HPS3: variants seen among roughly 807,000 people sequenced by gnomAD.
HPS3 encodes the protein HPS3 biogenesis of lysosomal organelles complex 2 subunit 1.
Under a neutral mutation model 110.9 loss-of-function variants are expected in HPS3, and 79 were observed. That is an observed-to-expected ratio of 0.71 (90% confidence interval 0.59 to 0.86). The LOEUF (loss-of-function observed/expected upper bound fraction) is 0.86. HPS3 is among the 40% of genes least tolerant of loss of function. The pLI, the probability that HPS3 is intolerant of heterozygous loss-of-function variation, is 0.00. For synonymous variants in HPS3, 428 were observed against 451.0 expected, an observed-to-expected ratio of 0.95 and a Z score of 0.65; for missense variants, 1,197 against 1,206.2, an observed-to-expected ratio of 0.99 and a Z score of 0.11.
chr3:149,151,143 G>C (rs1723079123), intron 6 of HPS3, among the ~76,000 whole-genome samples: 1 of 151,834 alleles, frequency 6.6e-6, no homozygotes, highest in Non-Finnish European at 1.5e-5. Flanking sequence ...AAGTAGCTGG[G>C]ACTACAGGTG....
rs780981065 is a variant in HPS3 at position 149,155,231 on chromosome 3, T to G, written c.1509+16T>G. 1 of 1,250,714 alleles carries G rather than the reference T, an allele frequency of 8.0e-7. No individual in the cohort carries two copies. The highest frequency in any genetic ancestry group is 1.2e-5 in the South Asian group (1 of 83,514). The allele number at this position is 1,250,714 out of a possible 1,614,324, so 77.5% of individuals were successfully genotyped here. ...CAAAGAGATGGTACTCTTTTCAAAC[T>G]TCTGATTCTTGTTTGTAGATATTTA... is the stretch of plus-strand genomic sequence containing the variant. On this transcript the variant is annotated intron_variant, in intron 8 of 16. Transcript: ENST00000296051.
chr3:149,170,790 T>C (rs1021322872), intron 16 of HPS3, among the ~76,000 whole-genome samples: 4 of 152,120 alleles, frequency 2.6e-5, no homozygotes, highest in Non-Finnish European at 4.4e-5. Context: ...GAGTAAGCGA[T>C]GGGCATGCAA....
Position 149,151,587 on chromosome 3 carries a change from T to TAAAAAAAAA in HPS3, c.1245+928_1245+936dup, listed in dbSNP as rs1167453087. On this transcript the variant is annotated intron_variant, in intron 6 of 16. Transcript: ENST00000296051. Reference sequence around the variant, plus strand: ...AGTGAGAAGTAAAGTGCTTGGTTTCTAAAAAAAAAAAAAAAAAAAAAAAAA... The same window carrying TAAAAAAAAA: ...AGTGAGAAGTAAAGTGCTTGGTTTCTAAAAAAAAAAAAAAAAAAAAAAAAAAAAAAAAAA... Among the ~76,000 whole-genome samples, 360 of 40,330 alleles carry TAAAAAAAAA rather than the reference T, an allele frequency of 8.9e-3. 26 individuals are homozygous for TAAAAAAAAA. The highest frequency in any genetic ancestry group is 0.014 in the Non-Finnish European group (266 of 19,700). The allele number at this position is 40,330 out of a possible 152,430, so 26.5% of individuals were successfully genotyped here.
intron 1 of HPS3, among the ~76,000 whole-genome samples, 173 bp from the exon 2 acceptor site, chr3:149,139,827 CCTCA>C (rs1193506717): frequency 6.6e-6 from 1 of 152,138 alleles, no homozygotes; most frequent in African/African-American, 2.4e-5. Flanking sequence ...CATTTCAGAA[CCTCA>C]AAGCCTAATG....
intron 16 of HPS3, among the ~76,000 whole-genome samples, chr3:149,169,059 A>G (rs1480120804): frequency 7.0e-6 from 1 of 142,720 alleles, no homozygotes; most frequent in South Asian, 2.1e-4. Flanking sequence ...GTGTGTGTGT[A>G]TGGCTAATGA....
At position 149,140,348 on chromosome 3, in the gene HPS3, C is replaced by T. The variant is rs1364851683; in HGVS notation, c.562C>T (p.Pro188Ser). ...SLIIHIDNITPVEVSFCVGYV... is the reference protein window; with the variant it reads ...SLIIHIDNITSVEVSFCVGYV... ...AATTATACACATAGATAATATCACT[C>T]CTGTTGAGGTTTCTTTTTGTGTTGG... The change falls in exon 2 of 17, where the codon CCT (proline) becomes TCT (serine). Residue 188 changes from proline (P) to serine (S), a missense_variant. Coordinates refer to ENST00000296051, the MANE Select transcript of HPS3 (RefSeq NM_032383.5). 1 of 1,611,080 alleles carries T rather than the reference C, an allele frequency of 6.2e-7. No homozygotes were observed. Among genetic ancestry groups the T allele is most frequent in the South Asian group, 1.1e-5 (1 of 90,684 alleles).
At position 149,167,145 on chromosome 3, in the gene HPS3, T is replaced by C; in HGVS notation, c.2701T>C (p.Leu901=). ...LSVHVLCRTR[L]KEYEQCIDIL... Reference sequence around the variant, plus strand: ...TGTCCATGTTCTGTGTCGTACACGCTTGAAAGAGTATGAACAGTGCATAGA... The same window carrying C: ...TGTCCATGTTCTGTGTCGTACACGCCTGAAAGAGTATGAACAGTGCATAGA... The change falls in exon 15 of 17, where the codon TTG becomes CTG. Residue 901 remains leucine (L), a synonymous_variant. Transcript: ENST00000296051. 1.2e-6 allele frequency: 2 copies of C among 1,613,928 alleles called. No homozygotes were observed. The highest frequency in any genetic ancestry group is 1.1e-5 in the South Asian group (1 of 91,076).
In HPS3 at chr3:149,163,950, G is replaced by T. The variant is rs281865095; in HGVS notation, c.2589+1G>T. 2.4e-5 allele frequency: 34 copies of T among 1,409,338 alleles called. No homozygotes were observed. Among genetic ancestry groups the T allele is most frequent in the Non-Finnish European group, 3.2e-5 (32 of 993,986 alleles). The allele number at this position is 1,409,338 out of a possible 1,614,324, so 87.3% of individuals were successfully genotyped here. A position where few individuals can be genotyped will look rare whatever the true frequency, so the allele number is the denominator to read the frequency against. On this transcript the variant is annotated splice_donor_variant, in intron 14 of 16. Transcript: ENST00000296051. LOFTEE classifies it high-confidence loss of function. ...TACAGAAGATCTTTCAAAATTACAG[G>T]TAAGTAAAAATACCTCCTTTTCTTA...
chr3:149,162,957 T>C (rs1030850335), intron 13 of HPS3, 79 bp downstream of exon 13: 20 of 1,196,124 alleles, frequency 1.7e-5, no homozygotes, highest in Admixed American at 8.8e-5. Context: ...TAATAACTTA[T>C]TATAAAATCT....
intron 14 of HPS3, among the ~76,000 whole-genome samples, chr3:149,165,577 A>T (rs1724335941): frequency 6.6e-6 from 1 of 152,110 alleles, no homozygotes; most frequent in Non-Finnish European, 1.5e-5. Context: ...CCTGGGCTCA[A>T]GCAAGCCTCC....
chr3:149,129,738 C>T lies in HPS3; in HGVS notation c.15C>T (p.Tyr5=), dbSNP rs753185316. ...CGGACGTCGGGATGGTGCAGCTGTA[C>T]AACCTGCACCCGTTCGGGTCGCAGC... MVQL[Y]NLHPFGSQQV... Residue 5 remains tyrosine, a synonymous_variant, in exon 1 of 17, where the codon TAC becomes TAT. Transcript: ENST00000296051. The T allele has an allele frequency of 6.2e-7, 1 of 1,602,714 alleles. No individual in the cohort carries two copies. Among genetic ancestry groups the T allele is most frequent in the Non-Finnish European group, 8.5e-7 (1 of 1,177,368 alleles).
At chr3:149,151,593 A>G (rs1408176360) in intron 6 of HPS3, among the ~76,000 whole-genome samples, 1 of 139,414 alleles carries the variant, frequency 7.2e-6, no homozygotes, top group Non-Finnish European at 1.5e-5. Flanking sequence ...TTTCTAAAAA[A>G]AAAAAAAAAA....
Position 149,141,073 on chromosome 3 carries a change from C to G in HPS3, c.769C>G (p.Pro257Ala). The G allele has an allele frequency of 6.2e-7, 1 of 1,613,798 alleles. No homozygotes were observed. ...ESDDFVICQK[P>A]LELLGEKSEQ... ...AGATGATTTTGTCATCTGCCAGAAG[C>G]CCCTGGAACTTCTTGGTGAAAAAAG... Residue 257 changes from proline to alanine, a missense_variant, in exon 3 of 17, where the codon CCC becomes GCC. By Grantham distance (27) the Pro-to-Ala change is conservative. Transcript: ENST00000296051.
In HPS3 at chr3:149,162,158, T is replaced by C; in HGVS notation, c.2117T>C (p.Val706Ala). 6.2e-7 allele frequency: 1 copy of C among 1,613,744 alleles called. No homozygotes were observed. Among genetic ancestry groups the C allele is most frequent in the Non-Finnish European group, 8.5e-7 (1 of 1,179,700 alleles). Residue 706 changes from valine to alanine, a missense_variant, in exon 12 of 17, where the codon GTA (valine) becomes GCA (alanine). By Grantham distance (64) the Val-to-Ala change is moderately conservative. Transcript: ENST00000296051. ...CTTTCTTATCTGAAGATGAAGTTGG[T>C]ATGTGGCTTCATTCTGGAACCTCGG... ...EMKSHSEMKL[V>A]CGFILEPRLL...
intron 4 of HPS3, among the ~76,000 whole-genome samples, 158 bp downstream of exon 4, chr3:149,141,538 T>TG (rs1447679242): frequency 6.7e-5 from 10 of 148,280 alleles, no homozygotes; most frequent in Admixed American, 4.7e-4. Context: ...TTTGTTTTTT[T>TG]TTTTTTTTTT....
At chr3:149,149,691 G>GT (rs150478862) in intron 5 of HPS3, among the ~76,000 whole-genome samples, 5 of 151,554 alleles carry the variant, frequency 3.3e-5, no homozygotes, top group African/African-American at 4.9e-5. Context: ...CCACTTTCTA[G>GT]TTTTTTTAAA....
At chr3:149,159,752 A>G (rs930260097) in intron 10 of HPS3, among the ~76,000 whole-genome samples, 1 of 152,178 alleles carries the variant, frequency 6.6e-6, no homozygotes, top group Non-Finnish European at 1.5e-5. Flanking sequence ...TCATTCAATC[A>G]AATGTTTATT....
chr3:149,170,831 G>A (rs1281751003), intron 16 of HPS3, among the ~76,000 whole-genome samples: 1 of 152,180 alleles, frequency 6.6e-6, no homozygotes, highest in Non-Finnish European at 1.5e-5. Flanking sequence ...CTGACATGTG[G>A]ATAGAAGATG....
At chr3:149,156,683 A>C (rs1003352271) in intron 8 of HPS3, among the ~76,000 whole-genome samples, 1 of 151,216 alleles carries the variant, frequency 6.6e-6, no homozygotes, top group Non-Finnish European at 1.5e-5. Context: ...CTGTTCATCT[A>C]CCCCTCTTTG....
Sources: allele counts gnomAD v4.1 joint callset (sites outside exome capture counted in the v4.1 genomes callset), GRCh38; gene constraint gnomAD v4.1.1; transcripts MANE v1.5; gene names NCBI Gene and HGNC (gene_info 2026-07-23, HGNC 2026-07-21).